Variants in NOL9 observed in about 807,000 individuals in gnomAD.
The protein encoded by NOL9 is nucleolar protein 9.
In NOL9, 28 loss-of-function variants were observed where a neutral mutation model predicts 67.9. That is an observed-to-expected ratio of 0.41 (90% CI 0.31 to 0.57). The LOEUF is 0.57. Among genes scored for constraint, NOL9 ranks in the 20% least tolerant of loss-of-function variants. The pLI is 0.25. For synonymous variants in NOL9, 356 were observed against 352.2 expected, an observed-to-expected ratio of 1.01 and a Z score of -0.12; for missense variants, 777 against 897.0, an observed-to-expected ratio of 0.87 and a Z score of 1.71.
chr1:6,530,300 A>G (rs1371763454), intron 9 of NOL9, among the ~76,000 whole-genome samples: 1 of 151,954 alleles, frequency 6.6e-6, no homozygotes, highest in Non-Finnish European at 1.5e-5. Context: ...TAAAAATACA[A>G]AAGATTAGCT....
In NOL9 at chr1:6,554,374, G is replaced by C. The variant is rs1207733150; in HGVS notation, c.129C>G (p.Cys43Trp). The C allele has an allele frequency of 1.4e-6, 2 of 1,465,638 alleles. No individual in the cohort carries two copies. The highest frequency in any genetic ancestry group is 5.6e-5 in the East Asian group (2 of 35,708). 90.8% of individuals were successfully genotyped at this position (1,465,638 alleles called of 1,614,324 possible). ...PRRRLGSLRW[C>W]GRRRLRWRLL... ...ACCGCCACCGTAGGCGCCGCCGACC[G>C]CACCAGCGCAGGCTCCCGAGCCGGC... Residue 43 changes from cysteine (C) to tryptophan (W), a missense_variant, in exon 1 of 12, where the codon TGC (cysteine) becomes TGG (tryptophan). Cys to Trp is a radical substitution (Grantham distance 215). Around this residue, in one of 2 missense-constraint regions of NOL9, gnomAD observed 364 missense variants for 344.4 expected, o/e 1.06. Coordinates refer to ENST00000377705, the MANE Select transcript of NOL9 (RefSeq NM_024654.5).
At position 6,528,993 on chromosome 1, in the gene NOL9, C is replaced by T; in HGVS notation, c.1825+1G>A. ...TGGATATGTTTTACTCTCAGACTCA[C>T]CAAAGCCCAAGCAGTCACAGATTGG... On this transcript the variant is annotated splice_donor_variant, in intron 10 of 11. Coordinates refer to ENST00000377705, the MANE Select transcript of NOL9 (RefSeq NM_024654.5). LOFTEE classifies it high-confidence loss of function. The T allele has an allele frequency of 6.2e-7, 1 of 1,613,904 alleles. No homozygotes were observed. The highest frequency in any genetic ancestry group is 8.5e-7 in the Non-Finnish European group (1 of 1,179,908).
chr1:6,542,978 C>T (rs752518275), intron 5 of NOL9, among the ~76,000 whole-genome samples: 10 of 151,844 alleles, frequency 6.6e-5, no homozygotes, highest in East Asian at 2.0e-4. Flanking sequence ...ACTGCAGCCT[C>T]GACCTCCTGG....
At chr1:6,552,189 T>A (rs1272498520) in intron 1 of NOL9, among the ~76,000 whole-genome samples, 1 of 152,334 alleles carries the variant, frequency 6.6e-6, no homozygotes, top group East Asian at 1.9e-4. Flanking sequence ...CTGGGCTTAA[T>A]ACATAGGTGA....
chr1:6,543,202 T>TA (rs1358568521), intron 5 of NOL9, among the ~76,000 whole-genome samples: 1 of 7,092 alleles, frequency 1.4e-4, no homozygotes, highest in Admixed American at 2.9e-3. Context: ...CCTTTTTTTC[T>TA]TTTTTTTTTT....
intron 10 of NOL9, among the ~76,000 whole-genome samples, 159 bp from the exon 11 acceptor site, chr1:6,526,988 G>A (rs1438433448): frequency 1.3e-5 from 2 of 152,242 alleles, no homozygotes; most frequent in Non-Finnish European, 2.9e-5. Context: ...GCTCACGCCT[G>A]TAATCCCAGC....
chr1:6,551,005 T>C (rs543095346), intron 1 of NOL9, among the ~76,000 whole-genome samples: 4 of 152,330 alleles, frequency 2.6e-5, no homozygotes, highest in African/African-American at 9.6e-5. Context: ...CTTAACTTGC[T>C]ATTCACACAT....
intron 3 of NOL9, among the ~76,000 whole-genome samples, chr1:6,545,984 G>T (rs1639414481): frequency 6.7e-6 from 1 of 150,258 alleles, no homozygotes; most frequent in African/African-American, 2.4e-5. Context: ...GGCAATGCTG[G>T]ATCTTAGAAA....
intron 6 of NOL9, among the ~76,000 whole-genome samples, chr1:6,540,549 A>G (rs967155624): frequency 1.3e-5 from 2 of 152,180 alleles, no homozygotes; most frequent in Non-Finnish European, 2.9e-5. Context: ...AGTTGTGGCC[A>G]GGCACAGTGG....
At chr1:6,540,695 G>A (rs1398532342) in intron 6 of NOL9, among the ~76,000 whole-genome samples, 2 of 151,992 alleles carry the variant, frequency 1.3e-5, no homozygotes, top group Non-Finnish European at 2.9e-5. Flanking sequence ...GCATGGTGGC[G>A]TGCGCCTGCA....
At chr1:6,553,101 C>A (rs1464339500) in intron 1 of NOL9, among the ~76,000 whole-genome samples, 2 of 152,190 alleles carry the variant, frequency 1.3e-5, no homozygotes, top group Admixed American at 6.5e-5. Context: ...CCTGAGCCAC[C>A]GCGCCTGGCC....
intron 10 of NOL9, among the ~76,000 whole-genome samples, chr1:6,527,293 C>T (rs1274190392): frequency 6.6e-5 from 10 of 150,480 alleles, no homozygotes; most frequent in Non-Finnish European, 1.5e-5. Context: ...TCCTTGAACA[C>T]TGGGGCAGTT....
chr1:6,532,454 GT>G lies in NOL9; in HGVS notation c.1535+8del. ...AAAATAATTCTTCAGCCAAATGAGG[GT>G]TAGTTACCTATTTCTTGGAGTTATT... On this transcript the variant is annotated splice_region_variant and intron_variant, in intron 8 of 11. Coordinates refer to ENST00000377705, the MANE Select transcript of NOL9 (RefSeq NM_024654.5). 2.5e-6 allele frequency: 4 copies of G among 1,602,202 alleles called. No homozygotes were observed. Among genetic ancestry groups the G allele is most frequent in the Non-Finnish European group, 3.4e-6 (4 of 1,172,288 alleles).
Position 6,554,242 on chromosome 1 carries a change from A to G in NOL9, c.261T>C (p.Pro87=), listed in dbSNP as rs1166581991. The change falls in exon 1 of 12, where the codon CCT becomes CCC. Residue 87 remains proline (P), a synonymous_variant. Coordinates refer to ENST00000377705, the MANE Select transcript of NOL9 (RefSeq NM_024654.5). ...RPNTATPSPI[P]SPTPASEPES... ...CGGGTTCGGAGGCCGGGGTCGGGCT[A>G]GGGATCGGGCTGGGGGTCGCGGTGT... is the stretch of plus-strand genomic sequence containing the variant. 6.6e-7 allele frequency: 1 copy of G among 1,507,110 alleles called. No homozygotes were observed. Among genetic ancestry groups the G allele is most frequent in the Non-Finnish European group, 8.9e-7 (1 of 1,127,580 alleles). The allele number at this position is 1,507,110 out of a possible 1,614,324, so 93.4% of individuals were successfully genotyped here.
At position 6,549,621 on chromosome 1, in the gene NOL9, C is replaced by T; in HGVS notation, c.694G>A (p.Val232Ile). 6.2e-7 allele frequency: 1 copy of T among 1,614,156 alleles called. No individual in the cohort carries two copies. Among genetic ancestry groups the T allele is most frequent in the Non-Finnish European group, 8.5e-7 (1 of 1,180,020 alleles). ...CCCGGATAGCTGGTTATGAAGTTTA[C>T]AGTGGCAGTTTTCAGATGTTCTAGC... ...VLLEHLKTAT[V>I]NFITSYPGSS... The change falls in exon 3 of 12, where the codon GTA (valine) becomes ATA (isoleucine). Residue 232 changes from valine (V) to isoleucine (I), a missense_variant. Physicochemically the swap from Val to Ile is conservative, Grantham distance 29 (BLOSUM62 3). This residue lies in a region of NOL9 where 364 missense variants were observed against 344.4 expected (regional missense o/e 1.06). Transcript: ENST00000377705.
intron 10 of NOL9, 65 bp from the exon 11 acceptor site, chr1:6,526,894 G>C: frequency 6.7e-7 from 1 of 1,502,514 alleles, no homozygotes; most frequent in Admixed American, 2.2e-5. Context: ...TCCATCGTTA[G>C]AAACTGCAGA....
In NOL9 at chr1:6,554,446, C is replaced by T; in HGVS notation, c.57G>A (p.Arg19=). Residue 19 remains arginine (R), a synonymous_variant, in exon 1 of 12, where the codon CGG becomes CGA. Transcript: ENST00000377705. ...KRGSCRSTWL[R]VRKARPQLIL... is the part of the protein sequence containing the mutation. ...TGAGCTGGGGCCGGGCCTTGCGGACCCGCAGCCAAGTGGAACGGCAGGAAC... is the reference window on the plus strand; with the variant it reads ...TGAGCTGGGGCCGGGCCTTGCGGACTCGCAGCCAAGTGGAACGGCAGGAAC... 1 of 1,551,642 alleles carries T rather than the reference C, an allele frequency of 6.4e-7. No homozygotes were observed. The highest frequency in any genetic ancestry group is 8.6e-7 in the Non-Finnish European group (1 of 1,160,956).
intron 6 of NOL9, among the ~76,000 whole-genome samples, chr1:6,534,179 G>A (rs966542500): frequency 2.0e-5 from 3 of 152,172 alleles, no homozygotes; most frequent in African/African-American, 7.2e-5. Flanking sequence ...GAGCCACCAT[G>A]CCCAGCCAAG....
chr1:6,536,704 C>A (rs933529203), intron 6 of NOL9, among the ~76,000 whole-genome samples: 1 of 151,900 alleles, frequency 6.6e-6, no homozygotes, highest in Non-Finnish European at 1.5e-5. Context: ...GTGGTGCATA[C>A]CTGTTTTCCC....
Sources: allele counts gnomAD v4.1 joint callset (sites outside exome capture counted in the v4.1 genomes callset), GRCh38; gene constraint gnomAD v4.1.1; regional missense constraint gnomAD v4.1.1; transcripts MANE v1.5; gene names NCBI Gene and HGNC (gene_info 2026-07-23, HGNC 2026-07-21).